Variants in AGBL1 observed in about 807,000 individuals in gnomAD.
AGBL1 encodes the protein cytosolic carboxypeptidase 4.
Under a neutral mutation model 118.9 loss-of-function variants are expected in AGBL1, and 130 were observed. The ratio of observed to expected loss-of-function variants is 1.09; its 90% confidence interval spans 0.95 to 1.26. The LOEUF (loss-of-function observed/expected upper bound fraction) is 1.26. Among genes scored for constraint, AGBL1 ranks in the 50% most tolerant of loss-of-function variants. The pLI, the probability that AGBL1 is intolerant of heterozygous loss-of-function variation, is 0.00. For missense variants in AGBL1, 1,584 were observed against 1,298.1 expected, an observed-to-expected ratio of 1.22 and a Z score of -3.38; for synonymous variants, 555 against 478.9, an observed-to-expected ratio of 1.16 and a Z score of -2.08.
At chr15:86,304,544 A>G (rs984549780) in intron 17 of AGBL1, among the ~76,000 whole-genome samples, 24 of 152,306 alleles carry the variant, frequency 1.6e-4, no homozygotes, top group Middle Eastern at 3.4e-3. Flanking sequence ...TCTTTGAACT[A>G]ACACAGTCTC....
At chr15:86,580,701 T>C (rs2084161594) in intron 21 of AGBL1, among the ~76,000 whole-genome samples, 1 of 152,156 alleles carries the variant, frequency 6.6e-6, no homozygotes, top group Non-Finnish European at 1.5e-5. Context: ...TATCATTTTT[T>C]TGTTGAGAAC....
chr15:86,155,571 G>A (rs374072095), intron 4 of AGBL1, among the ~76,000 whole-genome samples: 2 of 152,130 alleles, frequency 1.3e-5, no homozygotes, highest in East Asian at 1.9e-4. Context: ...TTATTAATAC[G>A]TTAGATCCTA....
chr15:86,132,268 A>G (rs770014040), intron 1 of AGBL1, among the ~76,000 whole-genome samples: 4 of 152,106 alleles, frequency 2.6e-5, no homozygotes, highest in Non-Finnish European at 4.4e-5. Context: ...TTTTGGAATG[A>G]AGGTGACTTG....
At chr15:86,360,520 G>A (rs1381439348) in intron 17 of AGBL1, among the ~76,000 whole-genome samples, 1 of 151,600 alleles carries the variant, frequency 6.6e-6, no homozygotes, top group Non-Finnish European at 1.5e-5. Flanking sequence ...TTTCCTTTTT[G>A]TCTCTTTGGT....
chr15:86,191,348 C>CAAAAAAAAA lies in AGBL1; in HGVS notation c.488+32336_488+32344dup, dbSNP rs869108108. On this transcript the variant is annotated intron_variant, in intron 5 of 22. Coordinates refer to ENST00000614907, the MANE Select transcript of AGBL1 (RefSeq NM_001386094.1). ...GGGCGACAGGAGCAAAACTTTGTCT[C>CAAAAAAAAA]AAAAAAAAAAAAAAAAAAAAAAGAG... 2.7e-3 allele frequency among the ~76,000 whole-genome samples: 177 copies of CAAAAAAAAA among 65,084 alleles called. 20 individuals carry two copies. The highest frequency in any genetic ancestry group is 0.014 in the African/African-American group (168 of 11,978). The allele number at this position is 65,084 out of a possible 152,430, so 42.7% of individuals were successfully genotyped here.
At chr15:86,628,500 T>C (rs2084920230) in intron 21 of AGBL1, among the ~76,000 whole-genome samples, 1 of 152,142 alleles carries the variant, frequency 6.6e-6, no homozygotes, top group Non-Finnish European at 1.5e-5. Context: ...ATTTTTTTTC[T>C]TTAAAAAAAT....
chr15:86,948,926 G>A (rs1176472970), intron 23 of AGBL1, among the ~76,000 whole-genome samples: 2 of 152,180 alleles, frequency 1.3e-5, no homozygotes, highest in South Asian at 2.1e-4. Context: ...CTGGAATACA[G>A]CCACAGACAT....
rs779355087 is a variant in AGBL1 at position 86,257,012 on chromosome 15, C to T, written c.895C>T (p.Pro299Ser). The T allele has an allele frequency of 3.1e-6, 5 of 1,612,982 alleles. No homozygotes were observed. The South Asian group carries it at 3.3e-5, about 11-fold the overall frequency. The change falls in exon 8 of 23, where the codon CCT (proline) becomes TCT (serine). Residue 299 changes from proline (P) to serine (S), a missense_variant. Pro to Ser is a moderately conservative substitution (Grantham distance 74). Transcript: ENST00000614907. ...CITTEPPHDL[P>S]EEDFEDDGDD... is the part of the protein sequence containing the mutation. ...CACCACTGAACCTCCACATGATCTA[C>T]CTGAAGGTAAAATAAGTTGGTAACT... is the stretch of plus-strand genomic sequence containing the variant.
At chr15:86,229,466 A>T (rs1432258697) in intron 6 of AGBL1, among the ~76,000 whole-genome samples, 1 of 152,144 alleles carries the variant, frequency 6.6e-6, no homozygotes, top group Non-Finnish European at 1.5e-5. Flanking sequence ...TGCCCCCGTG[A>T]TTCAATTACC....
chr15:86,143,792 A>G lies in AGBL1; in HGVS notation c.209A>G (p.Asp70Gly), dbSNP rs2076996496. ...LVDTARTAPP[D>G]YDILLPLFRL... ...GACACAGCGAGGACAGCTCCTCCAG[A>G]CTATGACATCCTCCTGCCTCTCTTC... The change falls in exon 3 of 23, where the codon GAC (aspartate) becomes GGC (glycine). Residue 70 changes from aspartate (D) to glycine (G), a missense_variant. Asp to Gly is a moderately conservative substitution (Grantham distance 94). Transcript: ENST00000614907. 1.2e-6 allele frequency: 2 copies of G among 1,613,926 alleles called. No individual in the cohort carries two copies. Among genetic ancestry groups the G allele is most frequent in the Non-Finnish European group, 1.7e-6 (2 of 1,179,830 alleles).
At chr15:86,176,482 C>G (rs2077483211) in intron 5 of AGBL1, among the ~76,000 whole-genome samples, 1 of 152,188 alleles carries the variant, frequency 6.6e-6, no homozygotes, top group Non-Finnish European at 1.5e-5. Flanking sequence ...CTTCAGCTCC[C>G]TTTGTCCTGG....
chr15:86,492,535 A>C (rs1264131131), intron 18 of AGBL1, among the ~76,000 whole-genome samples: 2 of 151,154 alleles, frequency 1.3e-5, no homozygotes, highest in African/African-American at 4.9e-5. Context: ...GGTTGCAGTG[A>C]GCTGAGATCA....
chr15:86,474,626 G>A (rs755895496), intron 18 of AGBL1, among the ~76,000 whole-genome samples: 13 of 152,328 alleles, frequency 8.5e-5, no homozygotes, highest in African/African-American at 2.4e-4. Context: ...GCCTGCCTGC[G>A]TCTGTAGGCT....
chr15:86,219,543 C>T (rs1567134923), intron 5 of AGBL1, among the ~76,000 whole-genome samples: 2 of 151,936 alleles, frequency 1.3e-5, no homozygotes, highest in Non-Finnish European at 2.9e-5. Context: ...CTCCAAGCTT[C>T]AAACCCAAGC....
At chr15:86,330,986 G>T (rs2080259609) in intron 17 of AGBL1, among the ~76,000 whole-genome samples, 1 of 152,122 alleles carries the variant, frequency 6.6e-6, no homozygotes, top group Non-Finnish European at 1.5e-5. Context: ...GGCACTTTGG[G>T]AGGCCAAGGC....
chr15:86,304,115 T>G (rs1443914905), intron 17 of AGBL1, among the ~76,000 whole-genome samples: 1 of 152,170 alleles, frequency 6.6e-6, no homozygotes, highest in Non-Finnish European at 1.5e-5. Flanking sequence ...TAATATGTTC[T>G]AGGCTCCTCC....
At chr15:86,718,369 C>T (rs1419971421) in intron 22 of AGBL1, among the ~76,000 whole-genome samples, 1 of 152,118 alleles carries the variant, frequency 6.6e-6, no homozygotes, top group East Asian at 1.9e-4. Flanking sequence ...TGGGGAACAT[C>T]ACACACTGGG....
intron 3 of AGBL1, among the ~76,000 whole-genome samples, chr15:86,150,690 T>C (rs2077095858): frequency 6.6e-6 from 1 of 152,188 alleles, no homozygotes; most frequent in Admixed American, 6.5e-5. Context: ...CTACCAGAGA[T>C]ACAAAGAGGA....
chr15:86,730,959 C>A (rs537411013), intron 22 of AGBL1, among the ~76,000 whole-genome samples: 2 of 152,176 alleles, frequency 1.3e-5, no homozygotes, highest in Non-Finnish European at 2.9e-5. Context: ...TCCCGAGTAG[C>A]TGGGATTACA....
Sources: allele counts gnomAD v4.1 joint callset (sites outside exome capture counted in the v4.1 genomes callset), GRCh38; gene constraint gnomAD v4.1.1; transcripts MANE v1.5; gene names NCBI Gene and HGNC (gene_info 2026-07-23, HGNC 2026-07-21).